ENOSF1: variants seen among roughly 807,000 people sequenced by gnomAD.
The protein encoded by ENOSF1 is mitochondrial enolase superfamily member 1.
A neutral mutation model predicts 68.2 loss-of-function variants in ENOSF1; 73 were observed. The observed-to-expected ratio is 1.07, with a 90% CI of 0.89 to 1.30. The LOEUF is 1.30. ENOSF1 is among the 50% of genes most tolerant of loss of function. ENOSF1 has a pLI of 0.00. For synonymous variants in ENOSF1, 223 were observed against 210.4 expected (o/e 1.06, Z -0.52); for missense variants, 589 against 554.5 (o/e 1.06, Z -0.62).
downstream of ENOSF1, among the ~76,000 whole-genome samples, chr18:666,951 TGATGGAGATGGA>T (rs1244821106): frequency 0.014 from 304 of 21,278 alleles, 22 homozygotes; most frequent in Middle Eastern, 0.028. Flanking sequence ...ATGGTGATGG[TGATGGAGATGGA>T]GATGGTGATG....
In ENOSF1 at chr18:699,208, T is replaced by G. The variant is rs927637138; in HGVS notation, c.194-1853A>C. Among the ~76,000 whole-genome samples, 30 of 152,186 alleles carry G rather than the reference T, an allele frequency of 2.0e-4. 1 individual carries two copies. Among genetic ancestry groups the G allele is most frequent in the Admixed American group, 1.0e-3 (16 of 15,276 alleles). On this transcript the variant is annotated intron_variant, in intron 2 of 15. Transcript: ENST00000647584. ...TTGGACCTGGCGCTCACTCCTGTAATGCCAGCACTTTGGGAGGCTGAGGTG... is the reference window on the plus strand; with the variant it reads ...TTGGACCTGGCGCTCACTCCTGTAAGGCCAGCACTTTGGGAGGCTGAGGTG...
Position 671,280 on chromosome 18 carries a change from A to T in ENOSF1, c.*3025T>A, listed in dbSNP as rs757816560. 160 of 835,464 alleles carry T rather than the reference A, an allele frequency of 1.9e-4. No homozygotes were observed. The highest frequency in any genetic ancestry group is 1.3e-3 in the East Asian group (53 of 41,262). The allele number at this position is 835,464 out of a possible 1,614,324, so 51.8% of individuals were successfully genotyped here. On this transcript the variant is annotated 3_prime_UTR_variant, in exon 16 of 16. Transcript: ENST00000647584. ...AAAAGCTACACTAAATTATTTTTTT[A>T]AAAAAAGCCTTGCGGTGTCTGCATA...
downstream of ENOSF1, among the ~76,000 whole-genome samples, chr18:669,812 T>TAAC (rs553618780): frequency 1.8e-4 from 27 of 152,046 alleles, 1 homozygote; most frequent in East Asian, 2.1e-3. Flanking sequence ...TACCAGGGTG[T>TAAC]AGAGCCAGGT....
chr18:666,891 A>AGATGGTGATGGAGATGGT (rs1598467903), downstream of ENOSF1, among the ~76,000 whole-genome samples: 6 of 62,180 alleles, frequency 9.6e-5, no homozygotes, highest in African/African-American at 2.8e-4. Context: ...AAAGTTCGGG[A>AGATGGTGATGGAGATGGT]GATGGTGATG....
chr18:668,569 C>A (rs2074905136), downstream of ENOSF1, among the ~76,000 whole-genome samples: 2 of 152,122 alleles, frequency 1.3e-5, no homozygotes, highest in Admixed American at 1.3e-4. Context: ...TGGAAACATG[C>A]TGCTGAGGTG....
intron 9 of ENOSF1, chr18:687,684 G>C (rs2076742034): frequency 1.3e-5 from 2 of 152,314 alleles, no homozygotes; most frequent in South Asian, 4.1e-4. Context: ...ATCCAGAGAA[G>C]GTCTTAGGAT....
chr18:677,841 A>G lies in ENOSF1; in HGVS notation c.950T>C (p.Leu317Pro). 1 of 1,614,126 alleles carries G rather than the reference A, an allele frequency of 6.2e-7. No homozygotes were observed. Among genetic ancestry groups the G allele is most frequent in the Non-Finnish European group, 8.5e-7 (1 of 1,180,006 alleles). ...GAGGAACTGCAGGGCCTTCGCCTGTAGGAGTTGCTTAAATATCACTCTATT... is the reference window on the plus strand; with the variant it reads ...GAGGAACTGCAGGGCCTTCGCCTGTGGGAGTTGCTTAAATATCACTCTATT... Reference protein sequence around the residue: ...CHNRVIFKQLLQAKALQFLQI... With the variant: ...CHNRVIFKQLPQAKALQFLQI... Residue 317 changes from leucine (L) to proline (P), a missense_variant, in exon 13 of 16, where the codon CTA (leucine) becomes CCA (proline). Transcript: ENST00000647584.
intron 3 of ENOSF1, 29 bp downstream of exon 3, chr18:697,211 G>GTAA: frequency 6.8e-7 from 1 of 1,470,566 alleles, no homozygotes; most frequent in South Asian, 1.1e-5. Context: ...TATTACTTAT[G>GTAA]TAAGCATTTT....
At chr18:675,293 C>G (rs2075370275) in intron 15 of ENOSF1, 28 bp downstream of exon 15, 2 of 1,583,870 alleles carry the variant, frequency 1.3e-6, no homozygotes, top group East Asian at 2.3e-5. Flanking sequence ...AGCATCTCTT[C>G]TACAGGGGCC....
intron 10 of ENOSF1, 97 bp downstream of exon 10, chr18:685,824 A>T: frequency 2.0e-6 from 2 of 1,024,252 alleles, no homozygotes; most frequent in Non-Finnish European, 3.1e-6. Context: ...TCTGACAATT[A>T]ACTTTTTAAA....
chr18:667,463 AGATGGTGATGGT>A (rs1247233263), downstream of ENOSF1, among the ~76,000 whole-genome samples: 1 of 3,528 alleles, frequency 2.8e-4, no homozygotes, highest in Non-Finnish European at 4.9e-4. Flanking sequence ...GTGATGATGG[AGATGGTGATGGT>A]GATGGTGATG....
intron 10 of ENOSF1, 89 bp downstream of exon 10, chr18:685,832 A>T: frequency 9.1e-7 from 1 of 1,100,260 alleles, no homozygotes; most frequent in Non-Finnish European, 1.4e-6. Flanking sequence ...TTAACTTTTT[A>T]AATTCCCAAT....
At chr18:684,592 T>C (rs1349278200) in intron 10 of ENOSF1, among the ~76,000 whole-genome samples, 1 of 152,030 alleles carries the variant, frequency 6.6e-6, no homozygotes, top group Non-Finnish European at 1.5e-5. Context: ...ATAAGAAAAC[T>C]GTCATGCAGA....
chr18:702,514 G>A (rs568156650), intron 2 of ENOSF1, among the ~76,000 whole-genome samples: 4 of 152,046 alleles, frequency 2.6e-5, no homozygotes, highest in African/African-American at 7.2e-5. Flanking sequence ...GGTGGAGGCT[G>A]CAGTGAGCCA....
chr18:690,750 AC>A, intron 7 of ENOSF1, 119 bp from the exon 8 acceptor site: 1 of 1,193,160 alleles, frequency 8.4e-7, no homozygotes, highest in Non-Finnish European at 1.1e-6. Context: ...CCGGCCCTGC[AC>A]ACACACACCC....
intron 11 of ENOSF1, 65 bp from the exon 12 acceptor site, chr18:678,802 A>T: frequency 1.3e-6 from 2 of 1,541,990 alleles, no homozygotes; most frequent in Non-Finnish European, 1.8e-6. Context: ...CTAATGTTTA[A>T]AAACATTTAT....
intron 2 of ENOSF1, among the ~76,000 whole-genome samples, chr18:699,925 C>T (rs1354191326): frequency 6.6e-6 from 1 of 152,244 alleles, no homozygotes; most frequent in African/African-American, 2.4e-5. Flanking sequence ...ACTAAAAATA[C>T]AAAAATTAGC....
At chr18:664,308 G>A in the ENOSF1 span, among the ~76,000 whole-genome samples, 1 of 150,216 alleles carries the variant, frequency 6.7e-6, no homozygotes, top group Non-Finnish European at 1.5e-5. Flanking sequence ...TCATGATTTG[G>A]CTCTCTGTTT....
At chr18:691,560 TG>T in intron 5 of ENOSF1, 2 of 291,866 alleles carry the variant, frequency 6.9e-6, no homozygotes, top group South Asian at 1.1e-4. Flanking sequence ...TTGACCAGGT[TG>T]ATCTTGAGCT....
Sources: allele counts gnomAD v4.1 joint callset (sites outside exome capture counted in the v4.1 genomes callset), GRCh38; gene constraint gnomAD v4.1.1; transcripts MANE v1.5; gene names NCBI Gene and HGNC (gene_info 2026-07-23, HGNC 2026-07-21).